THRB: variants seen among roughly 807,000 people sequenced by gnomAD.
THRB encodes the protein nuclear receptor subfamily 1 group A member 2.
THRB carries 12 observed loss-of-function variants against 47.8 expected under a neutral mutation model. The observed-to-expected ratio is 0.25, with a 90% confidence interval of 0.16 to 0.41. The LOEUF is 0.41. Ranked by LOEUF, THRB falls within the 10% of genes least tolerant of loss-of-function variation. The pLI, the probability that THRB is intolerant of heterozygous loss-of-function variation, is 1.00. For missense variants in THRB, 348 were observed against 589.2 expected, an observed-to-expected ratio of 0.59 and a Z score of 4.24; for synonymous variants, 218 against 212.2, an observed-to-expected ratio of 1.03 and a Z score of -0.24.
At chr3:24,174,712 T>C (rs1421196389) in intron 5 of THRB, among the ~76,000 whole-genome samples, 1 of 152,202 alleles carries the variant, frequency 6.6e-6, no homozygotes, top group Non-Finnish European at 1.5e-5. Context: ...TCTGGCTTGG[T>C]CACACACAGT....
intron 1 of THRB, among the ~76,000 whole-genome samples, chr3:24,369,893 C>T (rs943548548): frequency 6.6e-6 from 1 of 152,152 alleles, no homozygotes. Context: ...GAACATCATT[C>T]CAAAGTTTTA....
At chr3:24,460,518 A>C (rs1489221818) in intron 1 of THRB, among the ~76,000 whole-genome samples, 2 of 152,226 alleles carry the variant, frequency 1.3e-5, no homozygotes, top group African/African-American at 4.8e-5. Context: ...CTAATATTTA[A>C]ACAATTTTCT....
At chr3:24,222,476 G>A (rs142232751) in intron 4 of THRB, among the ~76,000 whole-genome samples, 19 of 152,246 alleles carry the variant, frequency 1.2e-4, no homozygotes, top group Non-Finnish European at 2.5e-4. Flanking sequence ...GGGGAGGGGA[G>A]GCAGTGTGTA....
chr3:24,189,964 A>G, intron 5 of THRB, 110 bp downstream of exon 5: 1 of 1,068,680 alleles, frequency 9.4e-7, no homozygotes, highest in Non-Finnish European at 1.4e-6. Flanking sequence ...TGGAGAAAAC[A>G]TGGGACACCA....
intron 1 of THRB, among the ~76,000 whole-genome samples, chr3:24,486,057 T>C (rs1421349651): frequency 2.0e-5 from 3 of 152,240 alleles, no homozygotes; most frequent in Middle Eastern, 3.4e-3. Context: ...CTGTTCTCAA[T>C]AGGAGCAGTT....
chr3:24,218,191 C>A (rs1484961452), intron 4 of THRB, among the ~76,000 whole-genome samples: 1 of 151,932 alleles, frequency 6.6e-6, no homozygotes, highest in Non-Finnish European at 1.5e-5. Flanking sequence ...TGGCTTGAAC[C>A]CAGGAGACGG....
Position 24,124,014 on chromosome 3 carries a change from C to T in THRB, c.1145-889G>A, listed in dbSNP as rs187509442. On this transcript the variant is annotated intron_variant, in intron 10 of 10. Coordinates refer to ENST00000646209, the MANE Select transcript of THRB (RefSeq NM_001354712.2). The stretch of plus-strand genomic sequence containing the variant: ...GGCTGACAAAAATAATCTATAAACC[C>T]GGATGAATTCCTCAAATAGCTCCAG... Among the ~76,000 whole-genome samples, 368 of 152,288 alleles carry T rather than the reference C, an allele frequency of 2.4e-3. 2 individuals are homozygous for T. Among genetic ancestry groups the T allele is most frequent in the African/African-American group, 8.1e-3 (336 of 41,544 alleles).
chr3:24,131,295 A>G (rs2033825159), intron 9 of THRB, among the ~76,000 whole-genome samples: 1 of 152,216 alleles, frequency 6.6e-6, no homozygotes, highest in Non-Finnish European at 1.5e-5. Flanking sequence ...CATTACCTTT[A>G]TTATGTTGTA....
intron 2 of THRB, among the ~76,000 whole-genome samples, chr3:24,322,273 G>T (rs2058535875): frequency 6.6e-6 from 1 of 152,170 alleles, no homozygotes; most frequent in African/African-American, 2.4e-5. Context: ...ACCAGTAGTA[G>T]AAGCTTAAAC....
At chr3:24,315,524 C>T (rs745794931) in intron 2 of THRB, among the ~76,000 whole-genome samples, 28 of 152,198 alleles carry the variant, frequency 1.8e-4, no homozygotes, top group South Asian at 2.1e-4. Context: ...CAGCTCACTA[C>T]TCCAGGCTGC....
In THRB at chr3:24,128,863, CTTTTTTT is replaced by C. The variant is rs57890674; in HGVS notation, c.886-1113_886-1107del. Among the ~76,000 whole-genome samples, 143 of 87,056 alleles carry C rather than the reference CTTTTTTT, an allele frequency of 1.6e-3. 8 individuals are homozygous for C. Among genetic ancestry groups the C allele is most frequent in the Admixed American group, 5.7e-3 (37 of 6,510 alleles). The allele number at this position is 87,056 out of a possible 152,430, so 57.1% of individuals were successfully genotyped here. ...GCCAAGAGAAGAAGGAAACATAACT[CTTTTTTT>C]TTTTTTTTTTTTTTTTTTTACCATG... On this transcript the variant is annotated intron_variant, in intron 9 of 10. Coordinates refer to ENST00000646209, the MANE Select transcript of THRB (RefSeq NM_001354712.2).
intron 3 of THRB, among the ~76,000 whole-genome samples, chr3:24,253,583 T>C (rs2050888691): frequency 6.6e-6 from 1 of 152,152 alleles, no homozygotes; most frequent in South Asian, 2.1e-4. Context: ...GTCTCTTTCA[T>C]ACAGGAGGCA....
At chr3:24,360,744 C>T (rs767503022) in intron 1 of THRB, among the ~76,000 whole-genome samples, 1 of 152,074 alleles carries the variant, frequency 6.6e-6, no homozygotes, top group Admixed American at 6.6e-5. Context: ...TATTCTATAT[C>T]CGGTATAGTT....
chr3:24,447,807 G>C (rs911985308), intron 1 of THRB, among the ~76,000 whole-genome samples: 1 of 151,900 alleles, frequency 6.6e-6, no homozygotes, highest in African/African-American at 2.4e-5. Context: ...GGAGGAGATG[G>C]GGAATGAAGG....
At chr3:24,227,339 C>T (rs1282478478) in intron 4 of THRB, among the ~76,000 whole-genome samples, 1 of 152,202 alleles carries the variant, frequency 6.6e-6, no homozygotes, top group Non-Finnish European at 1.5e-5. Context: ...CCATTCATCC[C>T]AACAGAAACA....
At chr3:24,176,087 T>TTAA (rs1181741148) in intron 5 of THRB, among the ~76,000 whole-genome samples, 2 of 152,188 alleles carry the variant, frequency 1.3e-5, no homozygotes, top group African/African-American at 4.8e-5. Flanking sequence ...AAAGATGTGC[T>TTAA]TAATTTAATG....
intron 3 of THRB, among the ~76,000 whole-genome samples, chr3:24,234,494 A>C (rs1030922587): frequency 9.2e-5 from 14 of 152,180 alleles, no homozygotes; most frequent in African/African-American, 3.4e-4. Flanking sequence ...GTTTCTAAAA[A>C]ACAAGCCTGG....
intron 8 of THRB, among the ~76,000 whole-genome samples, chr3:24,141,769 A>G (rs570724923): frequency 1.3e-5 from 2 of 152,266 alleles, no homozygotes; most frequent in East Asian, 1.9e-4. Flanking sequence ...CAAATCTTCT[A>G]CCTTACTTGG....
Position 24,269,586 on chromosome 3 carries a change from T to TGGATAA in THRB, c.-43+27634_-43+27639dup, listed in dbSNP as rs1383297518. Among the ~76,000 whole-genome samples the TGGATAA allele has an allele frequency of 4.0e-4, 57 of 142,764 alleles. No homozygotes were observed. In the East Asian group the frequency reaches 0.011, roughly 28 times the overall value. 93.7% of individuals were successfully genotyped at this position (142,764 alleles called of 152,430 possible). A position where few individuals can be genotyped will look rare whatever the true frequency, so the allele number is the denominator to read the frequency against. On this transcript the variant is annotated intron_variant, in intron 3 of 10. Transcript: ENST00000646209. ...GACTACAGGTGTGTGCCACTACACCTGGATAATTTTTAATTTTTTTTTTTT... is the reference window on the plus strand; with the variant it reads ...GACTACAGGTGTGTGCCACTACACCTGGATAAGGATAATTTTTAATTTTTTTTTTTT...
Sources: gnomAD v4.1 joint callset for allele counts (sites outside exome capture counted in the v4.1 genomes callset) on GRCh38, gnomAD v4.1.1 for gene constraint, MANE v1.5 for transcripts, NCBI Gene and HGNC (gene_info 2026-07-23, HGNC 2026-07-21) for gene names.